THSD7A: variants seen among roughly 807,000 people sequenced by gnomAD.
The protein encoded by THSD7A is thrombospondin type-1 domain-containing protein 7A.
In THSD7A, 96 loss-of-function variants were observed where a neutral mutation model predicts 231.3. The ratio of observed to expected loss-of-function variants is 0.41; its 90% CI spans 0.35 to 0.49. The LOEUF is 0.49. THSD7A is among the 20% of genes least tolerant of loss of function. The probability of loss-of-function intolerance (pLI) is 0.05; values close to 1 mark genes in which losing one functional copy is unlikely to be tolerated. For synonymous variants in THSD7A, 940 were observed against 743.3 expected, an observed-to-expected ratio of 1.26 and a Z score of -4.30; for missense variants, 2,290 against 2,070.2, an observed-to-expected ratio of 1.11 and a Z score of -2.06.
At chr7:11,468,969 T>C (rs977461212) in intron 9 of THSD7A, among the ~76,000 whole-genome samples, 2 of 152,054 alleles carry the variant, frequency 1.3e-5, no homozygotes, top group Non-Finnish European at 2.9e-5. Flanking sequence ...TATAAAAATA[T>C]AGTAACACAG....
At chr7:11,515,195 A>G (rs939751996) in intron 6 of THSD7A, among the ~76,000 whole-genome samples, 27 of 152,178 alleles carry the variant, frequency 1.8e-4, no homozygotes, top group African/African-American at 6.3e-4. Context: ...TCCTGTTCAA[A>G]CAATAAAATT....
intron 1 of THSD7A, among the ~76,000 whole-genome samples, chr7:11,802,997 A>G (rs373839034): frequency 1.3e-5 from 2 of 152,232 alleles, no homozygotes; most frequent in East Asian, 1.9e-4. Context: ...TCATACATAT[A>G]TTAAATAACA....
At chr7:11,737,171 T>C (rs1004503624) in intron 1 of THSD7A, among the ~76,000 whole-genome samples, 3 of 152,056 alleles carry the variant, frequency 2.0e-5, no homozygotes, top group Non-Finnish European at 4.4e-5. Flanking sequence ...TACAGCACTT[T>C]AGTATTTATT....
At chr7:11,826,989 A>T (rs536585713) in intron 1 of THSD7A, among the ~76,000 whole-genome samples, 9 of 152,034 alleles carry the variant, frequency 5.9e-5, no homozygotes, top group Non-Finnish European at 1.0e-4. Context: ...GAAAATTTTA[A>T]CTTTTATATT....
At chr7:11,545,425 AG>A (rs1789339641) in intron 4 of THSD7A, among the ~76,000 whole-genome samples, 1 of 152,230 alleles carries the variant, frequency 6.6e-6, no homozygotes, top group African/African-American at 2.4e-5. Context: ...TTAAGAAAAC[AG>A]GTTAAGCAAG....
At chr7:11,753,902 A>G (rs1782589161) in intron 1 of THSD7A, among the ~76,000 whole-genome samples, 1 of 152,034 alleles carries the variant, frequency 6.6e-6, no homozygotes, top group East Asian at 1.9e-4. Flanking sequence ...TCACTTATGA[A>G]TACCACAAAA....
At chr7:11,766,262 A>T (rs535709809) in intron 1 of THSD7A, among the ~76,000 whole-genome samples, 111 of 152,328 alleles carry the variant, frequency 7.3e-4, no homozygotes, top group African/African-American at 2.6e-3. Context: ...AACAAGAAGA[A>T]AGGCCAGCAT....
At chr7:11,454,982 A>G (rs116959131) in intron 11 of THSD7A, among the ~76,000 whole-genome samples, 6,474 of 152,074 alleles carry the variant, frequency 0.043, 143 homozygotes, top group Admixed American at 0.063. Flanking sequence ...TCAGATCCAC[A>G]TGTTGAAATC....
At chr7:11,543,986 A>C (rs1418114847) in intron 4 of THSD7A, among the ~76,000 whole-genome samples, 2 of 152,044 alleles carry the variant, frequency 1.3e-5, no homozygotes, top group Non-Finnish European at 2.9e-5. Flanking sequence ...ATATCTGTCT[A>C]TCTATCTATA....
At position 11,395,015 on chromosome 7, in the gene THSD7A, A is replaced by C. The variant is rs191991931; in HGVS notation, c.4411+6780T>G. ...GCTAAATGCCCCAATTAAAAGACAC[A>C]GACTGGCAAATTGAATAACAAGTCA... On this transcript the variant is annotated intron_variant, in intron 23 of 27. Transcript: ENST00000423059. Among the ~76,000 whole-genome samples, 989 of 152,318 alleles carry C rather than the reference A, an allele frequency of 6.5e-3. 7 individuals are homozygous for C. The highest frequency in any genetic ancestry group is 0.011 in the Non-Finnish European group (736 of 68,014).
chr7:11,640,292 A>G (rs2681047), intron 1 of THSD7A, among the ~76,000 whole-genome samples: 22,791 of 152,198 alleles, frequency 0.15, 1,925 homozygotes, highest in Admixed American at 0.21. Context: ...AAACCAAATC[A>G]AGAAAATACT....
At chr7:11,379,043 C>A (rs2189352) in intron 26 of THSD7A, 27 bp downstream of exon 26, 392,787 of 1,608,070 alleles carry the variant, frequency 0.24, 53,052 homozygotes, top group African/African-American at 0.55. Flanking sequence ...AAAGGTTTCT[C>A]TTTCAACACT....
Position 11,401,972 on chromosome 7 carries a change from TA to T in THSD7A, c.4238-5del, listed in dbSNP as rs1387463938. 19 of 1,609,976 alleles carry T rather than the reference TA, an allele frequency of 1.2e-5. No individual in the cohort carries two copies. The highest frequency in any genetic ancestry group is 1.6e-5 in the Non-Finnish European group (19 of 1,178,382). On this transcript the variant is annotated splice_polypyrimidine_tract_variant and splice_region_variant and intron_variant, in intron 22 of 27. Coordinates refer to ENST00000423059, the MANE Select transcript of THSD7A (RefSeq NM_015204.3). ...CAGTCCTTCAAATAACAGTCACCTG[TA>T]AAACACATATTTGTAATTTACACCC... is the stretch of plus-strand genomic sequence containing the variant.
In THSD7A at chr7:11,424,760, A is replaced by G. The variant is rs1784263010; in HGVS notation, c.3319T>C (p.Cys1107Arg). 1 of 1,613,902 alleles carries G rather than the reference A, an allele frequency of 6.2e-7. No individual in the cohort carries two copies. Among genetic ancestry groups the G allele is most frequent in the Non-Finnish European group, 8.5e-7 (1 of 1,179,892 alleles). The change falls in exon 16 of 28, where the codon TGC becomes CGC. Residue 1107 changes from cysteine (C) to arginine (R), a missense_variant. Coordinates refer to ENST00000423059, the MANE Select transcript of THSD7A (RefSeq NM_015204.3). ...YLWVTEPWSI[C>R]KVTFVNMREN... ...CGCATATTCACAAAGGTCACCTTGC[A>G]GATGCTCCAGGGCTCTGTGACCCAT...
At chr7:11,481,246 A>T (rs1156462758) in intron 7 of THSD7A, among the ~76,000 whole-genome samples, 2 of 152,196 alleles carry the variant, frequency 1.3e-5, no homozygotes, top group Non-Finnish European at 2.9e-5. Flanking sequence ...AACATATTTT[A>T]AAAATGAACA....
At chr7:11,525,542 G>C (rs994917375) in intron 6 of THSD7A, among the ~76,000 whole-genome samples, 1 of 151,822 alleles carries the variant, frequency 6.6e-6, no homozygotes, top group Non-Finnish European at 1.5e-5. Context: ...AACTATTTCT[G>C]GCACATAAAA....
intron 1 of THSD7A, among the ~76,000 whole-genome samples, chr7:11,727,005 A>C (rs984200037): frequency 3.3e-5 from 5 of 151,956 alleles, no homozygotes; most frequent in African/African-American, 4.8e-5. Flanking sequence ...ATGCACCACG[A>C]ACAGGCAGCA....
At chr7:11,397,060 G>A (rs1783214484) in intron 23 of THSD7A, among the ~76,000 whole-genome samples, 1 of 152,088 alleles carries the variant, frequency 6.6e-6, no homozygotes. Flanking sequence ...ATGCAGAAGA[G>A]GCCTTTGACA....
At chr7:11,726,607 A>G (rs957251994) in intron 1 of THSD7A, among the ~76,000 whole-genome samples, 2 of 151,942 alleles carry the variant, frequency 1.3e-5, no homozygotes, top group Non-Finnish European at 2.9e-5. Flanking sequence ...GAGGTGGACA[A>G]TGATTGTGCT....
Sources: allele counts gnomAD v4.1 joint callset (sites outside exome capture counted in the v4.1 genomes callset), GRCh38; gene constraint gnomAD v4.1.1; transcripts MANE v1.5; gene names NCBI Gene and HGNC (gene_info 2026-07-23, HGNC 2026-07-21).